ST3GAL1: variants seen among roughly 807,000 people sequenced by gnomAD.
ST3GAL1 encodes the protein CMP-N-acetylneuraminate-beta-galactosamide-alpha-2,3-sialyltransferase 1.
Under a neutral mutation model 34.1 loss-of-function variants are expected in ST3GAL1, and 16 were observed. The ratio of observed to expected loss-of-function variants is 0.47; its 90% CI spans 0.32 to 0.71. The LOEUF is 0.71. Among genes scored for constraint, ST3GAL1 ranks in the 30% least tolerant of loss-of-function variants. The probability of loss-of-function intolerance (pLI) is 0.04; values close to 1 mark genes in which losing one functional copy is unlikely to be tolerated. For synonymous variants in ST3GAL1, 191 were observed against 184.7 expected, an observed-to-expected ratio of 1.03 and a Z score of -0.28; for missense variants, 353 against 447.4, an observed-to-expected ratio of 0.79 and a Z score of 1.90.
chr8:133,559,393 A>G (rs1413675418), intron 1 of ST3GAL1, among the ~76,000 whole-genome samples: 1 of 152,156 alleles, frequency 6.6e-6, no homozygotes, highest in African/African-American at 2.4e-5. Flanking sequence ...CCCATTCTGA[A>G]AGGTGTGTTT....
intron 3 of ST3GAL1, among the ~76,000 whole-genome samples, chr8:133,492,958 A>G (rs1717217342): frequency 6.6e-6 from 1 of 152,200 alleles, no homozygotes; most frequent in Non-Finnish European, 1.5e-5. Context: ...CGACTCTGGC[A>G]GGAGAGATAA....
chr8:133,565,556 C>A (rs2131117397), intron 1 of ST3GAL1, among the ~76,000 whole-genome samples: 1 of 152,318 alleles, frequency 6.6e-6, no homozygotes, highest in African/African-American at 2.4e-5. Context: ...GGAAGCACAT[C>A]TTTATTCAGA....
chr8:133,571,300 C>A lies in ST3GAL1; in HGVS notation c.-582+393G>T, dbSNP rs2131129700. 6.6e-6 allele frequency among the ~76,000 whole-genome samples: 1 copy of A among 152,306 alleles called. No homozygotes were observed. The highest frequency in any genetic ancestry group is 1.5e-5 in the Non-Finnish European group (1 of 68,028). ...CCCAGCGGAGGAGATCCCAGCCCGG[C>A]GCCGGGTGCAATGTCACTGGGGCTG... On this transcript the variant is annotated intron_variant, in intron 1 of 9. Transcript: ENST00000522652. This position sits in a 1 kb window ranked among gnomAD's most constrained non-coding sequence, Gnocchi z 6.7.
chr8:133,533,319 G>A (rs1447710854), intron 2 of ST3GAL1, among the ~76,000 whole-genome samples: 3 of 152,148 alleles, frequency 2.0e-5, no homozygotes, highest in Non-Finnish European at 4.4e-5. Context: ...TTTTCCCCGT[G>A]AATTACCAAC....
In ST3GAL1 at chr8:133,510,110, C is replaced by T. The variant is rs896651862; in HGVS notation, c.-428-10921G>A. ...ATGGAGAATGGCTCTTCACACTTCTCTCTGGAAACTTCCCCTGGTTTCCCG... is the reference window on the plus strand; with the variant it reads ...ATGGAGAATGGCTCTTCACACTTCTTTCTGGAAACTTCCCCTGGTTTCCCG... On this transcript the variant is annotated intron_variant, in intron 2 of 9. Coordinates refer to ENST00000522652, the MANE Select transcript of ST3GAL1 (RefSeq NM_173344.3). Among the ~76,000 whole-genome samples, 15 of 151,850 alleles carry T rather than the reference C, an allele frequency of 9.9e-5. No individual in the cohort carries two copies. The East Asian group carries it at 2.9e-3, about 29-fold the overall frequency.
intron 6 of ST3GAL1, 70 bp downstream of exon 6, chr8:133,465,824 G>C: frequency 6.5e-7 from 1 of 1,528,432 alleles, no homozygotes; most frequent in Non-Finnish European, 8.9e-7. Flanking sequence ...CCTGAGCCAA[G>C]ATGCTTCCTA....
intron 5 of ST3GAL1, among the ~76,000 whole-genome samples, chr8:133,470,155 C>T (rs1337432195): frequency 2.0e-5 from 3 of 152,196 alleles, no homozygotes; most frequent in Non-Finnish European, 4.4e-5. Flanking sequence ...TGCGGTGGCT[C>T]ACGCCTGTAA....
rs773214471 is a variant in ST3GAL1 at position 133,459,891 on chromosome 8, T to A, written c.896A>T (p.His299Leu). 6.2e-7 allele frequency: 1 copy of A among 1,614,086 alleles called. No individual in the cohort carries two copies. The highest frequency in any genetic ancestry group is 1.3e-5 in the African/African-American group (1 of 75,062). The change falls in exon 10 of 10, where the codon CAC (histidine) becomes CTC (leucine). Residue 299 changes from histidine to leucine, a missense_variant. Physicochemically the swap from His to Leu is moderately conservative, Grantham distance 99. Coordinates refer to ENST00000522652, the MANE Select transcript of ST3GAL1 (RefSeq NM_173344.3). The surrounding 1 kb of genome is among the most constrained non-coding windows in gnomAD (Gnocchi z 4.7). ...FGADSKGNWH[H>L]YWENNPSAGA... ...CGCGGATGGGTTGTTCTCCCAGTAG[T>A]GGTGCCAGTTCCCTTTGCTGTCTGC...
Position 133,556,067 on chromosome 8 carries a change from T to A in ST3GAL1, c.-581-10141A>T, listed in dbSNP as rs761082233. On this transcript the variant is annotated intron_variant, in intron 1 of 9. Coordinates refer to ENST00000522652, the MANE Select transcript of ST3GAL1 (RefSeq NM_173344.3). This position sits in a 1 kb window ranked among gnomAD's most constrained non-coding sequence, Gnocchi z 8.9. ...TGCCACCACGCCTGGCTGATTTTTT[T>A]TGTATTTTAGTAGAGACGGGGTTTC... Among the ~76,000 whole-genome samples, 6 of 152,008 alleles carry A rather than the reference T, an allele frequency of 3.9e-5. No individual in the cohort carries two copies. The highest frequency in any genetic ancestry group is 7.4e-5 in the Non-Finnish European group (5 of 67,988).
intron 2 of ST3GAL1, among the ~76,000 whole-genome samples, chr8:133,506,622 T>C (rs988854910): frequency 1.3e-5 from 2 of 151,356 alleles, no homozygotes; most frequent in Non-Finnish European, 2.9e-5. Context: ...CCGTTTCTAC[T>C]TAAAATACAA....
chr8:133,555,054 G>C (rs1818969071), intron 1 of ST3GAL1, among the ~76,000 whole-genome samples: 1 of 152,068 alleles, frequency 6.6e-6, no homozygotes, highest in African/African-American at 2.4e-5. Context: ...TTCACTCTGA[G>C]GGCTGGGGAG....
intron 2 of ST3GAL1, among the ~76,000 whole-genome samples, chr8:133,530,439 G>T (rs1034573358): frequency 6.6e-6 from 1 of 152,034 alleles, no homozygotes; most frequent in African/African-American, 2.4e-5. Flanking sequence ...GTGCCACCAC[G>T]CTGAGTTAAT....
At chr8:133,529,040 A>C (rs1002532892) in intron 2 of ST3GAL1, among the ~76,000 whole-genome samples, 5 of 152,362 alleles carry the variant, frequency 3.3e-5, no homozygotes, top group African/African-American at 1.2e-4. Context: ...CTAGTAGAGA[A>C]ACACAGCACA....
intron 3 of ST3GAL1, among the ~76,000 whole-genome samples, chr8:133,485,946 C>T (rs7838742): frequency 0.94 from 142,721 of 152,228 alleles, 67,002 homozygotes; most frequent in East Asian, 1. Flanking sequence ...GGTGACTGCA[C>T]AGAGCAGTAA....
chr8:133,523,561 A>T (rs1002203704), intron 2 of ST3GAL1, among the ~76,000 whole-genome samples: 1 of 152,196 alleles, frequency 6.6e-6, no homozygotes, highest in Non-Finnish European at 1.5e-5. Flanking sequence ...GAGCATTTAG[A>T]AGGGTCTTAT....
intron 2 of ST3GAL1, among the ~76,000 whole-genome samples, chr8:133,512,652 C>A (rs1331916109): frequency 6.6e-6 from 1 of 152,154 alleles, no homozygotes; most frequent in Non-Finnish European, 1.5e-5. Context: ...TGAGTCCGCA[C>A]AGGGTTGGTC....
At chr8:133,541,040 T>TATGC (rs1563734427) in intron 2 of ST3GAL1, among the ~76,000 whole-genome samples, 102 of 100,660 alleles carry the variant, frequency 1.0e-3, no homozygotes, top group Non-Finnish European at 1.6e-3. Flanking sequence ...TAGACATATA[T>TATGC]AGACATATAT....
chr8:133,460,078 A>C, intron 9 of ST3GAL1, 141 bp from the exon 10 acceptor site: 2 of 855,210 alleles, frequency 2.3e-6, no homozygotes, highest in Non-Finnish European at 1.7e-6. Flanking sequence ...CTTCATTAAA[A>C]ACCCTTCTCT....
At chr8:133,551,701 GA>G (rs1209820168) in intron 1 of ST3GAL1, among the ~76,000 whole-genome samples, 2 of 152,234 alleles carry the variant, frequency 1.3e-5, no homozygotes, top group African/African-American at 4.8e-5. Context: ...GCAGGGCTCT[GA>G]TAAGAAGTAA....
Sources: allele counts gnomAD v4.1 joint callset (sites outside exome capture counted in the v4.1 genomes callset), GRCh38; gene constraint gnomAD v4.1.1; non-coding constraint Gnocchi (gnomAD v3.1); transcripts MANE v1.5; gene names NCBI Gene and HGNC (gene_info 2026-07-23, HGNC 2026-07-21).